Variants in ZMYND11 observed in about 807,000 individuals in gnomAD.
The protein encoded by ZMYND11 is zinc finger MYND-type containing 11, also known as zinc finger MYND domain-containing protein 11.
ZMYND11 carries 9 observed loss-of-function variants against 84.9 expected under a neutral mutation model. The observed-to-expected ratio is 0.11, with a 90% confidence interval of 0.06 to 0.18. The LOEUF is 0.18. ZMYND11 is among the 10% of genes least tolerant of loss of function. ZMYND11 has a pLI of 1.00. For synonymous variants in ZMYND11, 250 were observed against 244.1 expected, an observed-to-expected ratio of 1.02 and a Z score of -0.23; for missense variants, 409 against 761.0, an observed-to-expected ratio of 0.54 and a Z score of 5.44.
intron 4 of ZMYND11, among the ~76,000 whole-genome samples, chr10:233,092 C>T (rs1233009292): frequency 6.6e-6 from 1 of 152,192 alleles, no homozygotes; most frequent in Admixed American, 6.5e-5. Flanking sequence ...GTGCAGTGCT[C>T]TTAACCACAC....
At chr10:179,335 T>A (rs1054893591) in intron 1 of ZMYND11, among the ~76,000 whole-genome samples, 1 of 152,158 alleles carries the variant, frequency 6.6e-6, no homozygotes, top group African/African-American at 2.4e-5. Flanking sequence ...TCATCTGGAA[T>A]ACTAAAATTT....
intron 1 of ZMYND11, among the ~76,000 whole-genome samples, chr10:166,803 G>C (rs1844116660): frequency 6.6e-6 from 1 of 152,078 alleles, no homozygotes; most frequent in Non-Finnish European, 1.5e-5. Flanking sequence ...AGTGTTCACT[G>C]CAGTCTCATT....
At chr10:183,899 A>T (rs1848402137) in intron 2 of ZMYND11, among the ~76,000 whole-genome samples, 1 of 151,930 alleles carries the variant, frequency 6.6e-6, no homozygotes, top group South Asian at 2.1e-4. Context: ...GGAACCATTG[A>T]TTTCTCCCAG....
chr10:240,158 A>T, intron 8 of ZMYND11, 47 bp downstream of exon 8: 1 of 1,438,024 alleles, frequency 7.0e-7, no homozygotes, highest in Non-Finnish European at 9.5e-7. Context: ...AACTGAAATT[A>T]ATTTATTTCA....
chr10:160,680 G>A (rs1554761488), intron 1 of ZMYND11, among the ~76,000 whole-genome samples: 1 of 152,130 alleles, frequency 6.6e-6, no homozygotes, highest in East Asian at 1.9e-4. Flanking sequence ...TTTCAGCAAT[G>A]TTCACAACAT....
chr10:201,312 A>G (rs1443745594), intron 2 of ZMYND11, among the ~76,000 whole-genome samples: 1 of 152,230 alleles, frequency 6.6e-6, no homozygotes, highest in Non-Finnish European at 1.5e-5. Flanking sequence ...ACAAGAAGAC[A>G]TCACAGGCAT....
At chr10:139,933 A>C (rs939630712) in intron 1 of ZMYND11, among the ~76,000 whole-genome samples, 1 of 151,948 alleles carries the variant, frequency 6.6e-6, no homozygotes, top group Non-Finnish European at 1.5e-5. Flanking sequence ...GCTCTTCTCA[A>C]ACGTGTAGGT....
intron 6 of ZMYND11, 47 bp downstream of exon 6, chr10:237,724 T>C (rs763598610): frequency 2.6e-5 from 37 of 1,443,086 alleles, no homozygotes; most frequent in Non-Finnish European, 3.4e-5. Flanking sequence ...TTTTCTTAAC[T>C]AACAAGTTAA....
chr10:140,164 CAG>C (rs1237539943), intron 1 of ZMYND11, among the ~76,000 whole-genome samples: 3 of 152,038 alleles, frequency 2.0e-5, no homozygotes, highest in Non-Finnish European at 2.9e-5. Flanking sequence ...TTTTTTGAGA[CAG>C]AATGTGATTT....
At chr10:245,213 T>C (rs527947449) in intron 10 of ZMYND11, among the ~76,000 whole-genome samples, 24 of 152,376 alleles carry the variant, frequency 1.6e-4, no homozygotes, top group Non-Finnish European at 3.1e-4. Flanking sequence ...GTTGATATAA[T>C]ATTAACAATA....
At chr10:221,987 G>C (rs771213595) in intron 4 of ZMYND11, among the ~76,000 whole-genome samples, 4 of 152,180 alleles carry the variant, frequency 2.6e-5, no homozygotes, top group Middle Eastern at 6.8e-3. Flanking sequence ...GTGATTGTTA[G>C]TTGCAGAATG....
intron 2 of ZMYND11, among the ~76,000 whole-genome samples, chr10:192,407 T>C (rs1940683712): frequency 6.6e-6 from 1 of 152,220 alleles, no homozygotes; most frequent in South Asian, 2.1e-4. Context: ...CTTGAATGTT[T>C]TCAAGTTTTT....
At chr10:143,411 G>A (rs1837945913) in intron 1 of ZMYND11, among the ~76,000 whole-genome samples, 1 of 152,184 alleles carries the variant, frequency 6.6e-6, no homozygotes, top group Non-Finnish European at 1.5e-5. Flanking sequence ...TCGAAAGTAT[G>A]TCTGAGAAAT....
At position 244,914 on chromosome 10, in the gene ZMYND11, T is replaced by C. The variant is rs574665827; in HGVS notation, c.951-1852T>C. 3.3e-5 allele frequency among the ~76,000 whole-genome samples: 5 copies of C among 152,316 alleles called. No individual in the cohort carries two copies. The South Asian group carries it at 8.3e-4, about 25-fold the overall frequency. On this transcript the variant is annotated intron_variant, in intron 10 of 14. Transcript: ENST00000381604. ...TTAAGATAAATAAGGAAAATACTCTTACAGATACAAGTTCATTCCAGGTAG... is the reference window on the plus strand; with the variant it reads ...TTAAGATAAATAAGGAAAATACTCTCACAGATACAAGTTCATTCCAGGTAG...
rs137948776 is a variant in ZMYND11 at position 162,217 on chromosome 10, TATTG to T, written c.-19-17773_-19-17770del. Among the ~76,000 whole-genome samples the T allele has an allele frequency of 7.4e-4, 112 of 152,324 alleles. No homozygotes were observed. In the East Asian group the frequency reaches 0.018, roughly 24 times the overall value. On this transcript the variant is annotated intron_variant, in intron 1 of 14. Transcript: ENST00000381604. ...GGGCAGTCAGAACACACACAACATT[TATTG>T]ATTAAGTTCACTATCTTACATAGGT...
At chr10:238,310 A>C (rs1950311528) in intron 6 of ZMYND11, among the ~76,000 whole-genome samples, 1 of 152,112 alleles carries the variant, frequency 6.6e-6, no homozygotes, top group Non-Finnish European at 1.5e-5. Flanking sequence ...TGGTCATTAT[A>C]GCCTATAGGG....
In ZMYND11 at chr10:253,425, T is replaced by TA. The variant is rs1953865467; in HGVS notation, c.*956dup. 2 of 152,650 alleles carry TA rather than the reference T, an allele frequency of 1.3e-5. No individual in the cohort carries two copies. Among genetic ancestry groups the TA allele is most frequent in the Non-Finnish European group, 2.9e-5 (2 of 68,028 alleles). 9.5% of individuals were successfully genotyped at this position (152,650 alleles called of 1,614,324 possible). ...AGCACTTAAGTTTCACAGAAGCCGT[T>TA]ATGTTTGTAGTAATGGGTCATTGCC... On this transcript the variant is annotated 3_prime_UTR_variant, in exon 15 of 15. Transcript: ENST00000381604.
intron 3 of ZMYND11, among the ~76,000 whole-genome samples, chr10:214,754 A>T (rs1328382679): frequency 6.6e-6 from 1 of 152,204 alleles, no homozygotes; most frequent in Non-Finnish European, 1.5e-5. Context: ...AGAGCAAGAC[A>T]CATGGATGGC....
chr10:149,133 GA>G (rs1270792188), intron 1 of ZMYND11, among the ~76,000 whole-genome samples: 1 of 151,696 alleles, frequency 6.6e-6, no homozygotes, highest in Non-Finnish European at 1.5e-5. Flanking sequence ...TGAAAAATAC[GA>G]ATTTTCTAAA....
Sources: gnomAD v4.1 joint callset for allele counts (sites outside exome capture counted in the v4.1 genomes callset) on GRCh38, gnomAD v4.1.1 for gene constraint, MANE v1.5 for transcripts, NCBI Gene and HGNC (gene_info 2026-07-23, HGNC 2026-07-21) for gene names.